TRPM3: variants seen among roughly 807,000 people sequenced by gnomAD.
The protein encoded by TRPM3 is transient receptor potential cation channel subfamily M member 3.
Under a neutral mutation model 181.2 loss-of-function variants are expected in TRPM3, and 77 were observed. That is an observed-to-expected ratio of 0.42 (90% CI 0.35 to 0.51). TRPM3 has a LOEUF of 0.51. TRPM3 is among the 20% of genes least tolerant of loss of function. The pLI is 0.01. For missense variants in TRPM3, 1,759 were observed against 2,196.7 expected (o/e 0.80, Z 3.98); for synonymous variants, 745 against 796.4 (o/e 0.94, Z 1.09).
At chr9:70,813,601 C>T (rs2092368306) in intron 6 of TRPM3, among the ~76,000 whole-genome samples, 1 of 152,128 alleles carries the variant, frequency 6.6e-6, no homozygotes, top group Non-Finnish European at 1.5e-5. Flanking sequence ...CAAACCTCAG[C>T]ATCATGCAAT....
chr9:71,418,406 G>A (rs116839699), intron 1 of TRPM3, among the ~76,000 whole-genome samples: 314 of 151,898 alleles, frequency 2.1e-3, no homozygotes, highest in African/African-American at 6.8e-3. Flanking sequence ...ATCAGGATAC[G>A]CCTCTGTTGA....
intron 22 of TRPM3, among the ~76,000 whole-genome samples, chr9:70,566,549 C>T (rs966544077): frequency 6.6e-6 from 1 of 152,142 alleles, no homozygotes; most frequent in Non-Finnish European, 1.5e-5. Flanking sequence ...TTATTGTAAT[C>T]GTTTATTGGA....
At chr9:70,852,927 A>G (rs567086763) in intron 3 of TRPM3, among the ~76,000 whole-genome samples, 1 of 152,338 alleles carries the variant, frequency 6.6e-6, no homozygotes, top group African/African-American at 2.4e-5. Flanking sequence ...TTGATGCAAT[A>G]TAACTCTTAA....
At chr9:70,956,960 T>TC (rs2097081169) in intron 1 of TRPM3, among the ~76,000 whole-genome samples, 1 of 74,548 alleles carries the variant, frequency 1.3e-5, no homozygotes, top group Non-Finnish European at 2.7e-5. Flanking sequence ...TTTCTTTCTT[T>TC]CTTTTTTTTT....
chr9:70,883,942 C>T (rs79930394), intron 1 of TRPM3, among the ~76,000 whole-genome samples: 2 of 152,184 alleles, frequency 1.3e-5, no homozygotes, highest in South Asian at 2.1e-4. Flanking sequence ...GAGGCTGAAA[C>T]GTTCTGTGTA....
rs111442536 is a variant in TRPM3 at position 70,959,344 on chromosome 9, C to A, written c.178-94833G>T. On this transcript the variant is annotated intron_variant, in intron 1 of 25. Transcript: ENST00000677713. ...TGATAATAATAATAATTAACACAGC[C>A]TTTGAAGTGTCCTCTGTGGGCCCCA... Among the ~76,000 whole-genome samples the A allele has an allele frequency of 3.7e-3, 564 of 151,878 alleles. 2 individuals carry two copies. The highest frequency in any genetic ancestry group is 6.0e-3 in the Non-Finnish European group (409 of 67,964).
intron 7 of TRPM3, chr9:70,783,881 A>T: frequency 1.6e-6 from 2 of 1,240,584 alleles, no homozygotes; most frequent in Non-Finnish European, 2.0e-6. Context: ...CACCCTTTTT[A>T]TTATCCGTGT....
intron 1 of TRPM3, among the ~76,000 whole-genome samples, chr9:70,901,203 G>T (rs559292628): frequency 6.6e-6 from 1 of 152,318 alleles, no homozygotes; most frequent in African/African-American, 2.4e-5. Context: ...AGTTGTTATT[G>T]GGTGTGGCTA....
intron 9 of TRPM3, among the ~76,000 whole-genome samples, chr9:70,657,127 AC>A (rs1298173366): frequency 6.6e-6 from 1 of 151,408 alleles, no homozygotes; most frequent in African/African-American, 2.4e-5. Flanking sequence ...AACCCAAAAA[AC>A]TTTTATATGA....
rs139512557 is a variant in TRPM3, at chr9:70,761,078, TACC to T, written c.1272+520_1272+522del. On this transcript the variant is annotated intron_variant, in intron 8 of 25. Coordinates refer to ENST00000677713, the MANE Select transcript of TRPM3 (RefSeq NM_001366145.2). ...TTCACCCTAGCAGGGTCTCTGATCA[TACC>T]ACATTTGTAAGACATTTTGCTCTGA... is the stretch of plus-strand genomic sequence containing the variant. 9.8e-3 allele frequency: 2,187 copies of T among 223,432 alleles called. 52 individuals carry two copies. The highest frequency in any genetic ancestry group is 0.047 in the African/African-American group (2,051 of 43,638). 13.8% of individuals were successfully genotyped at this position (223,432 alleles called of 1,614,324 possible). A position where few individuals can be genotyped will look rare whatever the true frequency, so the allele number is the denominator to read the frequency against.
intron 18 of TRPM3, among the ~76,000 whole-genome samples, chr9:70,614,112 G>A (rs964471489): frequency 2.0e-5 from 3 of 152,116 alleles, no homozygotes; most frequent in African/African-American, 7.2e-5. Flanking sequence ...GAGTCTATAT[G>A]CCTGGGTTCT....
chr9:71,343,411 G>A (rs1316663167), intron 1 of TRPM3, among the ~76,000 whole-genome samples: 1 of 152,028 alleles, frequency 6.6e-6, no homozygotes, highest in Non-Finnish European at 1.5e-5. Flanking sequence ...TTTATTAGTA[G>A]GTTGGTTTTT....
At chr9:70,555,357 T>A (rs1029065284) in intron 22 of TRPM3, among the ~76,000 whole-genome samples, 2 of 152,216 alleles carry the variant, frequency 1.3e-5, no homozygotes, top group South Asian at 2.1e-4. Context: ...TCTCACACTG[T>A]GTCACCATTG....
chr9:71,441,805 G>T (rs1233177840), intron 1 of TRPM3, among the ~76,000 whole-genome samples: 1 of 151,906 alleles, frequency 6.6e-6, no homozygotes. Context: ...GCCAATTTTT[G>T]TATTTTTAGT....
At chr9:70,879,334 T>C (rs144654261) in intron 1 of TRPM3, among the ~76,000 whole-genome samples, 63 of 152,252 alleles carry the variant, frequency 4.1e-4, no homozygotes, top group African/African-American at 1.4e-3. Flanking sequence ...TTTCATTTAA[T>C]TAAATTTGTG....
At chr9:71,081,163 C>T (rs1043842324) in intron 1 of TRPM3, among the ~76,000 whole-genome samples, 20 of 152,162 alleles carry the variant, frequency 1.3e-4, no homozygotes, top group African/African-American at 4.8e-4. Flanking sequence ...ATGTACTCTG[C>T]CTTTACAAGT....
chr9:70,971,987 G>C (rs147360535), intron 1 of TRPM3, among the ~76,000 whole-genome samples: 171 of 152,290 alleles, frequency 1.1e-3, no homozygotes, highest in African/African-American at 3.7e-3. Flanking sequence ...AACACTGTTA[G>C]TGGGAATACA....
chr9:70,701,288 A>G (rs2072464843), intron 8 of TRPM3, among the ~76,000 whole-genome samples: 1 of 152,148 alleles, frequency 6.6e-6, no homozygotes, highest in South Asian at 2.1e-4. Context: ...ATGATAGGCT[A>G]TTTGGGCCTC....
intron 1 of TRPM3, among the ~76,000 whole-genome samples, chr9:71,189,235 C>T (rs2134984635): frequency 6.6e-6 from 1 of 152,006 alleles, no homozygotes; most frequent in South Asian, 2.1e-4. Context: ...TGCACAAGAT[C>T]ACCCACTTAC....
Sources: gnomAD v4.1 joint callset for allele counts (sites outside exome capture counted in the v4.1 genomes callset) on GRCh38, gnomAD v4.1.1 for gene constraint, MANE v1.5 for transcripts, NCBI Gene and HGNC (gene_info 2026-07-23, HGNC 2026-07-21) for gene names.